Variants in ATP8A2 observed in about 807,000 individuals in gnomAD.
The protein encoded by ATP8A2 is phospholipid-transporting ATPase IB.
In ATP8A2, 100 loss-of-function variants were observed where a neutral mutation model predicts 165.6. That is an observed-to-expected ratio of 0.60 (90% CI 0.51 to 0.71). The LOEUF (loss-of-function observed/expected upper bound fraction) is 0.71, where lower values mean the gene tolerates loss of function less well. Among genes scored for constraint, ATP8A2 ranks in the 30% least tolerant of loss-of-function variants. The pLI, the probability that ATP8A2 is intolerant of heterozygous loss-of-function variation, is 0.00. For missense variants in ATP8A2, 1,227 were observed against 1,479.5 expected (o/e 0.83, Z 2.80); for synonymous variants, 543 against 548.8 (o/e 0.99, Z 0.15).
At chr13:25,387,532 GACCTCACCCGTCGCTAA>G (rs954386644) in intron 1 of ATP8A2, among the ~76,000 whole-genome samples, 3 of 152,054 alleles carry the variant, frequency 2.0e-5, no homozygotes, top group African/African-American at 7.3e-5. Flanking sequence ...CTGCCTTAGT[GACCTCACCCGTCGCTAA>G]AATGGGCATA....
chr13:25,639,077 A>C (rs2041445968), intron 24 of ATP8A2, among the ~76,000 whole-genome samples: 2 of 150,764 alleles, frequency 1.3e-5, no homozygotes, highest in South Asian at 4.2e-4. Flanking sequence ...GTCACCACCA[A>C]GCCTGCCCTA....
intron 27 of ATP8A2, among the ~76,000 whole-genome samples, chr13:25,818,370 G>A (rs1436978216): frequency 6.6e-6 from 1 of 152,092 alleles, no homozygotes; most frequent in Non-Finnish European, 1.5e-5. Flanking sequence ...AATATAATAA[G>A]TTAGTAGCCA....
At chr13:25,929,220 C>G (rs1954695943) in intron 33 of ATP8A2, among the ~76,000 whole-genome samples, 1 of 152,078 alleles carries the variant, frequency 6.6e-6, no homozygotes, top group African/African-American at 2.4e-5. Context: ...TGGAGAGCAC[C>G]AGGGAAGTCA....
At chr13:25,921,344 A>G (rs306412) in intron 33 of ATP8A2, among the ~76,000 whole-genome samples, 133,221 of 151,860 alleles carry the variant, frequency 0.88, 58,555 homozygotes, top group East Asian at 0.99. Flanking sequence ...GAGGCCAGGC[A>G]CGGTGGCTCA....
At chr13:25,937,364 T>TTCTTTTTTTTTTC (rs1393634723) in intron 33 of ATP8A2, among the ~76,000 whole-genome samples, 1 of 115,518 alleles carries the variant, frequency 8.7e-6, no homozygotes, top group African/African-American at 3.7e-5. Context: ...CTTTCTTTCT[T>TTCTTTTTTTTTTC]TTTTTTTTTT....
chr13:25,681,226 T>G (rs1452974760), intron 24 of ATP8A2, among the ~76,000 whole-genome samples: 1 of 152,216 alleles, frequency 6.6e-6, no homozygotes, highest in Non-Finnish European at 1.5e-5. Context: ...ATACCCGGCA[T>G]GCTTGACTGT....
intron 25 of ATP8A2, among the ~76,000 whole-genome samples, chr13:25,720,168 T>TTTTC (rs1491253454): frequency 2.0e-5 from 2 of 101,006 alleles, no homozygotes; most frequent in African/African-American, 5.4e-5. Context: ...ATACTTTTTC[T>TTTTC]TTTTTTTTTT....
At chr13:25,741,674 G>A (rs539631123) in intron 25 of ATP8A2, among the ~76,000 whole-genome samples, 2 of 152,150 alleles carry the variant, frequency 1.3e-5, no homozygotes, top group Non-Finnish European at 2.9e-5. Context: ...ACCATATCTG[G>A]CCAACATTTT....
chr13:25,570,932 G>C (rs957432313), intron 17 of ATP8A2, 60 bp downstream of exon 17: 2 of 1,261,854 alleles, frequency 1.6e-6, no homozygotes, highest in East Asian at 4.8e-5. Context: ...GGGTGTTGCA[G>C]TTATTCTTGG....
chr13:25,595,981 C>T (rs982715417), intron 24 of ATP8A2, among the ~76,000 whole-genome samples: 2 of 152,164 alleles, frequency 1.3e-5, no homozygotes, highest in African/African-American at 4.8e-5. Context: ...CCTGGTTAGT[C>T]TAGGACTACA....
At chr13:25,435,957 G>GTGTATGTA (rs142904685) in intron 1 of ATP8A2, among the ~76,000 whole-genome samples, 1 of 149,062 alleles carries the variant, frequency 6.7e-6, no homozygotes, top group Admixed American at 6.7e-5. Context: ...GTGTGAGTGT[G>GTGTATGTA]TGTGTGTGTG....
chr13:25,453,942 C>T (rs992557078), intron 1 of ATP8A2, among the ~76,000 whole-genome samples: 6 of 152,090 alleles, frequency 3.9e-5, no homozygotes, highest in Non-Finnish European at 8.8e-5. Context: ...TGTTTAGATA[C>T]AAGCTATGGG....
At chr13:25,764,301 A>G (rs1009360983) in intron 25 of ATP8A2, among the ~76,000 whole-genome samples, 7 of 152,230 alleles carry the variant, frequency 4.6e-5, no homozygotes, top group African/African-American at 1.7e-4. Context: ...TGAAATACCA[A>G]TAAAATGTAT....
intron 1 of ATP8A2, among the ~76,000 whole-genome samples, chr13:25,424,243 C>T (rs2034379973): frequency 6.6e-6 from 1 of 152,172 alleles, no homozygotes; most frequent in Admixed American, 6.5e-5. Context: ...TATGTGTTGA[C>T]CGAAGATAAT....
At chr13:25,382,130 G>A (rs1165158037) in intron 1 of ATP8A2, among the ~76,000 whole-genome samples, 1 of 152,076 alleles carries the variant, frequency 6.6e-6, no homozygotes, top group African/African-American at 2.4e-5. Context: ...TCTTTTTACT[G>A]TCTCCATAGT....
chr13:25,865,649 G>C (rs954400432), intron 33 of ATP8A2, among the ~76,000 whole-genome samples: 1 of 152,204 alleles, frequency 6.6e-6, no homozygotes, highest in Admixed American at 6.5e-5. Context: ...CTATCAAAGA[G>C]TCTTTATCTT....
intron 1 of ATP8A2, among the ~76,000 whole-genome samples, chr13:25,467,420 G>T (rs1377095403): frequency 6.6e-6 from 1 of 152,216 alleles, no homozygotes; most frequent in African/African-American, 2.4e-5. Flanking sequence ...CCCTTTCTTA[G>T]GATAAGGATT....
At position 25,383,002 on chromosome 13, in the gene ATP8A2, A is replaced by G. The variant is rs559910548; in HGVS notation, c.76+10714A>G. 9.8e-4 allele frequency among the ~76,000 whole-genome samples: 146 copies of G among 149,624 alleles called. 1 individual carries two copies. The Middle Eastern group carries it at 0.021, about 22-fold the overall frequency. On this transcript the variant is annotated intron_variant, in intron 1 of 36. Transcript: ENST00000381655. ...CATCTCCTGACTTCGTGATCTGCCC[A>G]CCTTGGCCTCCCAAAGTGCTGGGAT...
chr13:25,403,799 G>A (rs2033713882), intron 1 of ATP8A2, among the ~76,000 whole-genome samples: 1 of 152,168 alleles, frequency 6.6e-6, no homozygotes, highest in Non-Finnish European at 1.5e-5. Context: ...GGAGATCAGT[G>A]GTTTAAAAGA....
Sources: allele counts gnomAD v4.1 joint callset (sites outside exome capture counted in the v4.1 genomes callset), GRCh38; gene constraint gnomAD v4.1.1; transcripts MANE v1.5; gene names NCBI Gene and HGNC (gene_info 2026-07-23, HGNC 2026-07-21).